The following ACSM3 variants were observed in gnomAD, a reference collection of about 807,000 sequenced individuals.
The protein encoded by ACSM3 is acyl-coenzyme A synthetase ACSM3, mitochondrial.
Under a neutral mutation model 74.1 loss-of-function variants are expected in ACSM3, and 61 were observed. The observed-to-expected ratio is 0.82, with a 90% CI of 0.67 to 1.02. The LOEUF (loss-of-function observed/expected upper bound fraction) is 1.02, where lower values mean the gene tolerates loss of function less well. Ranked by LOEUF, ACSM3 falls within the 50% of genes least tolerant of loss-of-function variation. The probability of loss-of-function intolerance (pLI) is 0.00; values close to 1 mark genes in which losing one functional copy is unlikely to be tolerated. For missense variants in ACSM3, 660 were observed against 697.0 expected, an observed-to-expected ratio of 0.95 and a Z score of 0.60; for synonymous variants, 213 against 241.5, an observed-to-expected ratio of 0.88 and a Z score of 1.09.
intron 1 of ACSM3, among the ~76,000 whole-genome samples, chr16:20,747,579 T>C (rs2079963072): frequency 6.6e-6 from 1 of 152,222 alleles, no homozygotes; most frequent in Non-Finnish European, 1.5e-5. Context: ...TGGTCTCTCC[T>C]GTCCCTTAAT....
At chr16:20,796,170 A>T in intron 12 of ACSM3, 200 bp from the exon 13 acceptor site, 1 of 841,032 alleles carries the variant, frequency 1.2e-6, no homozygotes, top group Non-Finnish European at 1.7e-6. Flanking sequence ...CTGGGTTGTT[A>T]CAGGGGTCCC....
intron 1 of ACSM3, among the ~76,000 whole-genome samples, chr16:20,692,368 A>T (rs1268594158): frequency 1.3e-5 from 2 of 152,204 alleles, no homozygotes; most frequent in Non-Finnish European, 2.9e-5. Flanking sequence ...GAAAACCTAA[A>T]GTGGGGGCTT....
intron 1 of ACSM3, among the ~76,000 whole-genome samples, chr16:20,678,286 GA>G (rs906636619): frequency 3.3e-5 from 5 of 149,552 alleles, no homozygotes; most frequent in African/African-American, 4.9e-5. Context: ...GAACTGACCT[GA>G]AAAAAAAACA....
At chr16:20,717,264 T>A (rs184566018) in intron 1 of ACSM3, among the ~76,000 whole-genome samples, 1 of 152,304 alleles carries the variant, frequency 6.6e-6, no homozygotes, top group Admixed American at 6.5e-5. Context: ...AAGCCATATA[T>A]CTCATTGTCC....
At chr16:20,714,713 C>T (rs66496446) in intron 1 of ACSM3, among the ~76,000 whole-genome samples, 19,785 of 151,772 alleles carry the variant, frequency 0.13, 1,358 homozygotes, top group East Asian at 0.21. Context: ...GAGAGACAGT[C>T]GATGTTAGGA....
intron 1 of ACSM3, among the ~76,000 whole-genome samples, chr16:20,767,049 T>C (rs2080133800): frequency 6.6e-6 from 1 of 152,120 alleles, no homozygotes; most frequent in South Asian, 2.1e-4. Flanking sequence ...TTTTTTTCCC[T>C]CTGTACCTTT....
At chr16:20,716,395 G>T (rs1247749955) in intron 1 of ACSM3, among the ~76,000 whole-genome samples, 1 of 152,100 alleles carries the variant, frequency 6.6e-6, no homozygotes, top group African/African-American at 2.4e-5. Flanking sequence ...GTGCCAAAGG[G>T]TGGAAGACTG....
At chr16:20,712,821 G>A (rs1313929863) in intron 1 of ACSM3, among the ~76,000 whole-genome samples, 2 of 151,520 alleles carry the variant, frequency 1.3e-5, no homozygotes, top group Non-Finnish European at 2.9e-5. Context: ...GCTGAGGCAG[G>A]AGAATCTCTT....
At chr16:20,775,495 T>A (rs892806536) in intron 2 of ACSM3, among the ~76,000 whole-genome samples, 1 of 152,158 alleles carries the variant, frequency 6.6e-6, no homozygotes, top group Non-Finnish European at 1.5e-5. Flanking sequence ...TCTGTGCTGA[T>A]CCTGGCCAGC....
upstream of ACSM3, among the ~76,000 whole-genome samples, chr16:20,762,151 T>C (rs998182895): frequency 6.6e-6 from 1 of 152,164 alleles, no homozygotes; most frequent in Non-Finnish European, 1.5e-5. Flanking sequence ...TGCCTCAGTC[T>C]CTCACTCTGC....
At position 20,790,318 on chromosome 16, in the gene ACSM3, C is replaced by CATGTGCTTGTAGCCCCAGATACTTGGGAA. The variant is rs1180890393; in HGVS notation, c.1225-268_1225-240dup. On this transcript the variant is annotated intron_variant, in intron 9 of 13. Transcript: ENST00000289416. The surrounding 1 kb of genome is among the most constrained non-coding windows in gnomAD (Gnocchi z 4.0). ...AATAAACATTAGCTGAGCATAATGA[C>CATGTGCTTGTAGCCCCAGATACTTGGGAA]ATGTGCTTGTAGCCCCAGATACTTG... is the stretch of plus-strand genomic sequence containing the variant. Among the ~76,000 whole-genome samples, 1 of 152,092 alleles carries CATGTGCTTGTAGCCCCAGATACTTGGGAA rather than the reference C, an allele frequency of 6.6e-6. No homozygotes were observed. Among genetic ancestry groups the CATGTGCTTGTAGCCCCAGATACTTGGGAA allele is most frequent in the Non-Finnish European group, 1.5e-5 (1 of 68,018 alleles).
intron 1 of ACSM3, among the ~76,000 whole-genome samples, chr16:20,684,930 T>C (rs1412053724): frequency 6.6e-6 from 1 of 151,928 alleles, no homozygotes; most frequent in Non-Finnish European, 1.5e-5. Flanking sequence ...AGGGAGAGAA[T>C]AAGAGAATTT....
At chr16:20,779,521 C>A (rs1194919856) in intron 4 of ACSM3, among the ~76,000 whole-genome samples, 1 of 152,042 alleles carries the variant, frequency 6.6e-6, no homozygotes. Context: ...TCATTCTCAA[C>A]CCCACATGCC....
At chr16:20,691,611 A>T (rs1046728967) in intron 1 of ACSM3, among the ~76,000 whole-genome samples, 1 of 152,140 alleles carries the variant, frequency 6.6e-6, no homozygotes, top group South Asian at 2.1e-4. Context: ...CTTTCTGCCA[A>T]GCCAAATCAT....
At chr16:20,791,212 A>T (rs988680526) in intron 10 of ACSM3, among the ~76,000 whole-genome samples, 4 of 152,316 alleles carry the variant, frequency 2.6e-5, no homozygotes, top group Non-Finnish European at 4.4e-5. Flanking sequence ...AGTGTATTTG[A>T]TATAATGTAA....
intron 3 of ACSM3, among the ~76,000 whole-genome samples, chr16:20,758,029 C>T (rs1340273694): frequency 6.6e-5 from 10 of 151,942 alleles, no homozygotes; most frequent in African/African-American, 1.5e-4. Flanking sequence ...CTGCTGGATT[C>T]GGTTTGCCAG....
At chr16:20,701,999 A>G (rs1221040732) in intron 1 of ACSM3, among the ~76,000 whole-genome samples, 2 of 152,196 alleles carry the variant, frequency 1.3e-5, no homozygotes, top group Admixed American at 6.5e-5. Context: ...GCTGCAATAA[A>G]CATACATGTG....
chr16:20,685,033 A>G (rs1021389978), intron 1 of ACSM3, among the ~76,000 whole-genome samples: 4 of 152,268 alleles, frequency 2.6e-5, no homozygotes, highest in African/African-American at 9.6e-5. Flanking sequence ...GATAATTCCC[A>G]CAGGGCAGGA....
Position 20,784,974 on chromosome 16 carries a change from T to A in ACSM3, c.1020-10T>A. ...CCTCCTAAATCTAACTTATCTGGTT[T>A]TCTGAGAAGCTATAAGTTTAAAAGC... On this transcript the variant is annotated splice_polypyrimidine_tract_variant and intron_variant, in intron 7 of 13. Transcript: ENST00000289416. 1 of 1,605,660 alleles carries A rather than the reference T, an allele frequency of 6.2e-7. No homozygotes were observed. The highest frequency in any genetic ancestry group is 8.5e-7 in the Non-Finnish European group (1 of 1,176,992).
Sources: gnomAD v4.1 joint callset for allele counts (sites outside exome capture counted in the v4.1 genomes callset) on GRCh38, gnomAD v4.1.1 for gene constraint, Gnocchi (gnomAD v3.1) non-coding constraint, MANE v1.5 for transcripts, NCBI Gene and HGNC (gene_info 2026-07-23, HGNC 2026-07-21) for gene names.